Variants in KLHL13 observed in about 807,000 individuals in gnomAD.
KLHL13 encodes kelch-like protein 13.
Under a neutral mutation model 37.1 loss-of-function variants are expected in KLHL13, and 10 were observed. That is an observed-to-expected ratio of 0.27 (90% CI 0.17 to 0.46). The LOEUF is 0.46. Ranked by LOEUF, KLHL13 falls within the 20% of genes least tolerant of loss-of-function variation. The probability of loss-of-function intolerance (pLI) is 1.00; values close to 1 mark genes in which losing one functional copy is unlikely to be tolerated. For synonymous variants in KLHL13, 163 were observed against 181.2 expected (o/e 0.90, Z 0.81); for missense variants, 360 against 509.3 (o/e 0.71, Z 2.82).
chrX:118,105,627 T>C (rs1183508412), intron 1 of KLHL13, among the ~76,000 whole-genome samples: 1 of 112,808 alleles, frequency 8.9e-6, no homozygotes, highest in Non-Finnish European at 1.9e-5. Flanking sequence ...TCATGTTCTC[T>C]GTTGCCCCTG....
chrX:117,954,255 A>G (rs1371353275), intron 1 of KLHL13, among the ~76,000 whole-genome samples: 1 of 112,353 alleles, frequency 8.9e-6, no homozygotes, highest in East Asian at 2.8e-4. Flanking sequence ...TAAAATTTAT[A>G]TACCAGTTAA....
chrX:118,111,648 T>G (rs921245588), intron 1 of KLHL13, among the ~76,000 whole-genome samples: 1 of 112,286 alleles, frequency 8.9e-6, no homozygotes, highest in East Asian at 2.8e-4. Context: ...ATCCCAACAC[T>G]TTGGGAGGCC....
chrX:118,011,102 A>G (rs1241251929), intron 1 of KLHL13, among the ~76,000 whole-genome samples: 2 of 108,807 alleles, frequency 1.8e-5, no homozygotes, highest in Non-Finnish European at 3.8e-5. Context: ...ATAAATAAAT[A>G]AGAAAAGGAC....
chrX:118,047,302 C>A (rs977892871), intron 1 of KLHL13, among the ~76,000 whole-genome samples: 1 of 111,446 alleles, frequency 9.0e-6, no homozygotes, highest in Non-Finnish European at 1.9e-5. Flanking sequence ...AAGCAGCACC[C>A]AAATATCAGA....
intron 1 of KLHL13, among the ~76,000 whole-genome samples, chrX:118,039,760 T>C (rs2054488024): frequency 9.0e-6 from 1 of 111,035 alleles, no homozygotes; most frequent in African/African-American, 3.3e-5. Flanking sequence ...AGCCAGGAAG[T>C]GGTTACCATG....
chrX:118,019,013 C>T (rs1055011213), intron 1 of KLHL13, among the ~76,000 whole-genome samples: 5 of 111,007 alleles, frequency 4.5e-5, no homozygotes, highest in Non-Finnish European at 9.5e-5. Flanking sequence ...TATAGTTAAA[C>T]AAATTAATAT....
At chrX:117,923,018 C>T (rs1456203160) in intron 2 of KLHL13, among the ~76,000 whole-genome samples, 1 of 111,908 alleles carries the variant, frequency 8.9e-6, no homozygotes, top group Non-Finnish European at 1.9e-5. Flanking sequence ...AGATAGTCTT[C>T]TATCTCAGTG....
At chrX:118,029,962 T>C (rs937470749) in intron 1 of KLHL13, among the ~76,000 whole-genome samples, 2 of 109,741 alleles carry the variant, frequency 1.8e-5, no homozygotes, top group Non-Finnish European at 3.8e-5. Flanking sequence ...AGTGAGACCC[T>C]GTCTCAAAAA....
Position 117,920,377 on chromosome X carries a change from C to A in KLHL13, c.241-7G>T, listed in dbSNP as rs767876020. 56 of 1,200,528 alleles carry A rather than the reference C, an allele frequency of 4.7e-5. No homozygotes were observed. The East Asian group carries it at 1.6e-3, about 35-fold the overall frequency. On this transcript the variant is annotated splice_region_variant and splice_polypyrimidine_tract_variant and intron_variant, in intron 2 of 6. Transcript: ENST00000262820. ...GTCGAAGCTGGTCAAAGCCCTACAACAAGAACATGAGTTGAGTCACTAATC... is the reference window on the plus strand; with the variant it reads ...GTCGAAGCTGGTCAAAGCCCTACAAAAAGAACATGAGTTGAGTCACTAATC...
At chrX:117,942,252 G>A (rs1005759359) in intron 2 of KLHL13, among the ~76,000 whole-genome samples, 7 of 111,640 alleles carry the variant, frequency 6.3e-5, no homozygotes, top group African/African-American at 2.3e-4. Context: ...TTCCAATTAT[G>A]TGGTCAGTTT....
chrX:117,965,272 T>C (rs2053400645), intron 1 of KLHL13, among the ~76,000 whole-genome samples: 1 of 111,857 alleles, frequency 8.9e-6, no homozygotes, highest in South Asian at 3.7e-4. Flanking sequence ...TTTTTAATGA[T>C]CGCCATTCTA....
intron 5 of KLHL13, among the ~76,000 whole-genome samples, chrX:117,902,782 G>A (rs1377272354): frequency 1.8e-5 from 2 of 110,880 alleles, no homozygotes; most frequent in Non-Finnish European, 3.8e-5. Context: ...AAAAGCATGA[G>A]GTCTAGATTG....
At chrX:117,919,619 A>T in exon 4 of KLHL13, 1 of 1,208,702 alleles carries the variant, frequency 8.3e-7, no homozygotes, top group Non-Finnish European at 1.1e-6. Flanking sequence ...ATATTAAGAG[A>T]AAGCTTTGCA....
chrX:118,070,062 G>T (rs1198331409), intron 1 of KLHL13, among the ~76,000 whole-genome samples: 2 of 112,325 alleles, frequency 1.8e-5, no homozygotes, highest in Non-Finnish European at 3.8e-5. Context: ...ACAGTCACAT[G>T]CATTACAGGT....
chrX:117,952,693 C>A (rs1184025304), intron 1 of KLHL13, among the ~76,000 whole-genome samples: 1 of 109,384 alleles, frequency 9.1e-6, no homozygotes, highest in Non-Finnish European at 1.9e-5. Context: ...ACAATGAACT[C>A]CAACAAATTT....
chrX:118,026,149 T>C (rs1461498313), intron 1 of KLHL13, among the ~76,000 whole-genome samples: 4 of 111,765 alleles, frequency 3.6e-5, no homozygotes, highest in Non-Finnish European at 7.5e-5. Context: ...ACTTTATATA[T>C]GTTCCCTTCC....
chrX:118,019,794 G>A (rs768805096), intron 1 of KLHL13, among the ~76,000 whole-genome samples: 2 of 104,160 alleles, frequency 1.9e-5, no homozygotes, highest in Non-Finnish European at 3.9e-5. Context: ...TCAAAGATCA[G>A]ATAGTTGTAG....
intron 1 of KLHL13, among the ~76,000 whole-genome samples, chrX:118,069,420 T>TAAAAAAAAA (rs66906743): frequency 4.9e-5 from 3 of 61,535 alleles, no homozygotes; most frequent in East Asian, 5.9e-4. Context: ...GTTTAAAATG[T>TAAAAAAAAA]AAAAAAAAAA....
chrX:117,955,572 C>G (rs189551770), intron 1 of KLHL13, among the ~76,000 whole-genome samples: 155 of 111,126 alleles, frequency 1.4e-3, no homozygotes, highest in African/African-American at 4.9e-3. Flanking sequence ...AATATGACAG[C>G]CAGTATTTTT....
Sources: gnomAD v4.1 joint callset for allele counts (sites outside exome capture counted in the v4.1 genomes callset) on GRCh38, gnomAD v4.1.1 for gene constraint, MANE v1.5 for transcripts, NCBI Gene and HGNC (gene_info 2026-07-23, HGNC 2026-07-21) for gene names.